Variants in DOCK2 observed in about 807,000 individuals in gnomAD.
The protein encoded by DOCK2 is dedicator of cytokinesis 2.
A neutral mutation model predicts 248.9 loss-of-function variants in DOCK2; 87 were observed. The ratio of observed to expected loss-of-function variants is 0.35; its 90% CI spans 0.29 to 0.42. The LOEUF is 0.42. Among genes scored for constraint, DOCK2 ranks in the 10% least tolerant of loss-of-function variants. The pLI is 1.00. For synonymous variants in DOCK2, 805 were observed against 821.6 expected, an observed-to-expected ratio of 0.98 and a Z score of 0.35; for missense variants, 1,747 against 2,300.2, an observed-to-expected ratio of 0.76 and a Z score of 4.92.
At chr5:169,934,358 A>G (rs1285033907) in intron 27 of DOCK2, among the ~76,000 whole-genome samples, 1 of 152,164 alleles carries the variant, frequency 6.6e-6, no homozygotes, top group African/African-American at 2.4e-5. Flanking sequence ...GGAGTGGATC[A>G]TAGCCAATAC....
intron 26 of DOCK2, among the ~76,000 whole-genome samples, chr5:169,838,056 A>G (rs1485938871): frequency 6.6e-6 from 1 of 152,252 alleles, no homozygotes; most frequent in African/African-American, 2.4e-5. Context: ...AAAGGAATGC[A>G]GAAAATATAA....
At chr5:169,741,275 C>T (rs186813325) in intron 22 of DOCK2, among the ~76,000 whole-genome samples, 6 of 152,218 alleles carry the variant, frequency 3.9e-5, no homozygotes, top group East Asian at 3.9e-4. Context: ...GGAAGGGAAC[C>T]GTCTCTTTCA....
At chr5:169,983,436 G>A (rs1362735647) in intron 28 of DOCK2, among the ~76,000 whole-genome samples, 1 of 152,142 alleles carries the variant, frequency 6.6e-6, no homozygotes, top group African/African-American at 2.4e-5. Flanking sequence ...TTTGTAAAGT[G>A]GGGATAATGT....
chr5:169,860,130 A>G (rs1771113760), intron 27 of DOCK2, among the ~76,000 whole-genome samples: 1 of 151,536 alleles, frequency 6.6e-6, no homozygotes, highest in Non-Finnish European at 1.5e-5. Context: ...ACTCTTGACT[A>G]ATTTTTTAAT....
chr5:169,982,144 A>G (rs570510274), intron 27 of DOCK2, among the ~76,000 whole-genome samples: 2 of 149,860 alleles, frequency 1.3e-5, no homozygotes, highest in African/African-American at 5.0e-5. Flanking sequence ...TGGCTGGACC[A>G]CAGTAGAACT....
chr5:169,962,835 G>A (rs536876329), intron 27 of DOCK2, among the ~76,000 whole-genome samples: 18 of 152,268 alleles, frequency 1.2e-4, no homozygotes, highest in Middle Eastern at 3.4e-3. Context: ...AAAGGGTATC[G>A]AGGCCAGACT....
chr5:169,714,845 A>G (rs1346985545), intron 19 of DOCK2, among the ~76,000 whole-genome samples: 2 of 152,202 alleles, frequency 1.3e-5, no homozygotes. Context: ...GTACACAACA[A>G]TTAAACCAAA....
At chr5:169,856,543 G>T (rs1252179501) in intron 27 of DOCK2, among the ~76,000 whole-genome samples, 1 of 152,200 alleles carries the variant, frequency 6.6e-6, no homozygotes, top group Non-Finnish European at 1.5e-5. Flanking sequence ...CTGATGTTTT[G>T]TGTTGCTTTG....
chr5:169,922,331 C>A (rs1006318629), intron 27 of DOCK2, among the ~76,000 whole-genome samples: 4 of 152,172 alleles, frequency 2.6e-5, no homozygotes, highest in Non-Finnish European at 4.4e-5. Flanking sequence ...TGATAATATT[C>A]ATCTGGAATA....
chr5:169,724,071 T>G (rs1184933662), intron 22 of DOCK2, among the ~76,000 whole-genome samples: 2 of 152,158 alleles, frequency 1.3e-5, no homozygotes, highest in African/African-American at 2.4e-5. Flanking sequence ...CCTCATCTGA[T>G]GAAGCAAATG....
intron 39 of DOCK2, 131 bp downstream of exon 39, chr5:170,046,036 GA>G: frequency 1.3e-6 from 1 of 784,576 alleles, no homozygotes; most frequent in Non-Finnish European, 2.2e-6. Flanking sequence ...ACGGAAGTAG[GA>G]CCTGAGAGAG....
At chr5:170,045,761 CG>C in intron 38 of DOCK2, 54 bp from the exon 39 acceptor site, 3 of 1,549,208 alleles carry the variant, frequency 1.9e-6, no homozygotes, top group Non-Finnish European at 2.7e-6. Context: ...CCTCAGCAAG[CG>C]CTCTGCAAAC....
intron 27 of DOCK2, among the ~76,000 whole-genome samples, chr5:169,911,429 A>G (rs1774593133): frequency 6.6e-6 from 1 of 152,148 alleles, no homozygotes; most frequent in South Asian, 2.1e-4. Context: ...TTCCCACTAC[A>G]CTGAGCTGTA....
At position 169,671,083 on chromosome 5, in the gene DOCK2, C is replaced by T; in HGVS notation, c.230C>T (p.Thr77Ile). Residue 77 changes from threonine (T) to isoleucine (I), a missense_variant, in exon 5 of 52, where the codon ACT becomes ATT. Thr to Ile is a moderately conservative substitution (Grantham distance 89). Transcript: ENST00000520908. Reference sequence around the variant, plus strand: ...TTTTCTCCCACCTTAAATAGAAATACTGAGAACATCATTCCTGCAGAAATT... The same window carrying T: ...TTTTCTCCCACCTTAAATAGAAATATTGAGAACATCATTCCTGCAGAAATT... Reference protein sequence around the residue: ...KEVTVEKRRNTENIIPAEIPL... With the variant: ...KEVTVEKRRNIENIIPAEIPL... 6.2e-7 allele frequency: 1 copy of T among 1,613,798 alleles called. No individual in the cohort carries two copies. The highest frequency in any genetic ancestry group is 8.5e-7 in the Non-Finnish European group (1 of 1,179,852).
At chr5:169,991,678 C>G (rs577261205) in intron 29 of DOCK2, among the ~76,000 whole-genome samples, 1 of 152,306 alleles carries the variant, frequency 6.6e-6, no homozygotes, top group Admixed American at 6.5e-5. Context: ...GGACAAAGTG[C>G]GAAGGGCTGC....
chr5:169,894,922 T>C (rs1773509490), intron 27 of DOCK2, among the ~76,000 whole-genome samples: 1 of 152,168 alleles, frequency 6.6e-6, no homozygotes, highest in South Asian at 2.1e-4. Context: ...AAATGTCCCG[T>C]CTGCTGGTTT....
chr5:169,946,761 C>G (rs930471744), intron 27 of DOCK2, among the ~76,000 whole-genome samples: 1 of 152,184 alleles, frequency 6.6e-6, no homozygotes, highest in Non-Finnish European at 1.5e-5. Context: ...CTGAAAGTCA[C>G]ACAGTAGGAT....
intron 25 of DOCK2, 108 bp downstream of exon 25, chr5:169,761,733 T>G (rs1764499960): frequency 1.3e-6 from 1 of 785,662 alleles, no homozygotes; most frequent in Admixed American, 2.5e-5. Flanking sequence ...CTATAACATC[T>G]CTTTTCTCAC....
chr5:169,667,485 G>C (rs1360087370), intron 2 of DOCK2, among the ~76,000 whole-genome samples: 1 of 152,234 alleles, frequency 6.6e-6, no homozygotes, highest in African/African-American at 2.4e-5. Context: ...AGCTTTGCAT[G>C]TTGCAGGTGA....
Sources: gnomAD v4.1 joint callset for allele counts (sites outside exome capture counted in the v4.1 genomes callset) on GRCh38, gnomAD v4.1.1 for gene constraint, MANE v1.5 for transcripts, NCBI Gene and HGNC (gene_info 2026-07-23, HGNC 2026-07-21) for gene names.